CDH9: variants seen among roughly 807,000 people sequenced by gnomAD.
The protein encoded by CDH9 is cadherin-9.
CDH9 carries 28 observed loss-of-function variants against 70.9 expected under a neutral mutation model. The observed-to-expected ratio is 0.40, with a 90% CI of 0.29 to 0.54. CDH9 has a LOEUF of 0.54. Ranked by LOEUF, CDH9 falls within the 20% of genes least tolerant of loss-of-function variation. CDH9 has a pLI of 0.59. For synonymous variants in CDH9, 409 were observed against 343.1 expected (o/e 1.19, Z -2.12); for missense variants, 874 against 984.4 (o/e 0.89, Z 1.50).
chr5:26,983,894 C>T (rs1238886993), intron 2 of CDH9, among the ~76,000 whole-genome samples: 10 of 152,138 alleles, frequency 6.6e-5, no homozygotes, highest in Admixed American at 4.6e-4. Flanking sequence ...GTTACCTATT[C>T]GAGTCCATTA....
chr5:26,957,564 A>G (rs1172662294), intron 2 of CDH9, among the ~76,000 whole-genome samples: 1 of 152,090 alleles, frequency 6.6e-6, no homozygotes, highest in African/African-American at 2.4e-5. Flanking sequence ...CAGGAGGCTG[A>G]GGAAGGAGAA....
intron 2 of CDH9, among the ~76,000 whole-genome samples, chr5:26,948,043 C>A (rs1248112185): frequency 1.3e-5 from 2 of 151,474 alleles, no homozygotes; most frequent in East Asian, 3.9e-4. Flanking sequence ...GAAATTGGTC[C>A]CCACCTTCAG....
chr5:26,960,195 G>C (rs1185566551), intron 2 of CDH9, among the ~76,000 whole-genome samples: 1 of 151,868 alleles, frequency 6.6e-6, no homozygotes, highest in African/African-American at 2.4e-5. Context: ...CTGAACAATA[G>C]ACTTTCTAGC....
chr5:26,909,365 T>A (rs1416514825), intron 3 of CDH9, among the ~76,000 whole-genome samples: 1 of 152,074 alleles, frequency 6.6e-6, no homozygotes, highest in Non-Finnish European at 1.5e-5. Flanking sequence ...CCACTAAATT[T>A]TCCAAAATAT....
chr5:26,932,656 C>A (rs373383365), intron 2 of CDH9, among the ~76,000 whole-genome samples: 1 of 151,990 alleles, frequency 6.6e-6, no homozygotes, highest in Non-Finnish European at 1.5e-5. Flanking sequence ...ATATTTAAAG[C>A]GTGTTTATTG....
intron 2 of CDH9, among the ~76,000 whole-genome samples, chr5:26,957,789 A>G (rs942195990): frequency 5.3e-5 from 8 of 152,210 alleles, no homozygotes; most frequent in Admixed American, 2.0e-4. Flanking sequence ...ATAAAAATGT[A>G]TGCTTTCTTT....
intron 1 of CDH9, among the ~76,000 whole-genome samples, chr5:27,023,350 A>G (rs973852059): frequency 6.6e-6 from 1 of 152,136 alleles, no homozygotes; most frequent in Non-Finnish European, 1.5e-5. Flanking sequence ...AGATTTTCAT[A>G]GAAAGCCAGG....
At chr5:27,012,908 T>C (rs1227131641) in intron 1 of CDH9, among the ~76,000 whole-genome samples, 1 of 151,982 alleles carries the variant, frequency 6.6e-6, no homozygotes, top group South Asian at 2.1e-4. Context: ...CAAACTCGCA[T>C]GTTGTTTGAA....
intron 2 of CDH9, among the ~76,000 whole-genome samples, chr5:26,986,400 A>G (rs16896445): frequency 0.03 from 4,553 of 152,188 alleles, 87 homozygotes; most frequent in South Asian, 0.039. Context: ...TTTATGACAG[A>G]TTATGGAATT....
intron 2 of CDH9, among the ~76,000 whole-genome samples, chr5:26,983,341 T>G (rs754636146): frequency 6.6e-6 from 1 of 152,176 alleles, no homozygotes; most frequent in African/African-American, 2.4e-5. Context: ...CTAGAGGTAT[T>G]TTTGTGCTAG....
chr5:26,936,787 T>C (rs1400210168), intron 2 of CDH9, among the ~76,000 whole-genome samples: 2 of 151,984 alleles, frequency 1.3e-5, no homozygotes, highest in African/African-American at 2.4e-5. Flanking sequence ...GACAGTCTTT[T>C]CAACAAATTA....
chr5:27,033,305 T>C (rs961970409), intron 1 of CDH9, among the ~76,000 whole-genome samples: 1 of 151,458 alleles, frequency 6.6e-6, no homozygotes, highest in Admixed American at 6.6e-5. Context: ...TATGTGAACA[T>C]TGAATGTTCA....
intron 1 of CDH9, among the ~76,000 whole-genome samples, chr5:27,026,439 T>G (rs1449003138): frequency 6.6e-6 from 1 of 151,902 alleles, no homozygotes; most frequent in East Asian, 1.9e-4. Context: ...AAATGTCACC[T>G]TCTCCAAGAA....
intron 2 of CDH9, among the ~76,000 whole-genome samples, chr5:26,925,125 A>T (rs1309241996): frequency 2.0e-5 from 3 of 152,194 alleles, no homozygotes; most frequent in Non-Finnish European, 4.4e-5. Context: ...AGGAATTGCC[A>T]CACTGTCTTC....
chr5:26,984,701 G>T (rs1055110426), intron 2 of CDH9, among the ~76,000 whole-genome samples: 1 of 152,018 alleles, frequency 6.6e-6, no homozygotes, highest in Non-Finnish European at 1.5e-5. Context: ...AAATAATTCA[G>T]TCACAAGTGT....
chr5:26,959,962 T>C (rs556991395), intron 2 of CDH9, among the ~76,000 whole-genome samples: 5 of 152,120 alleles, frequency 3.3e-5, no homozygotes, highest in East Asian at 1.9e-4. Flanking sequence ...TTGATCACCA[T>C]TGAAAATGTA....
chr5:27,015,415 T>C (rs1743031237), intron 1 of CDH9, among the ~76,000 whole-genome samples: 1 of 151,876 alleles, frequency 6.6e-6, no homozygotes. Context: ...CATACTTCTC[T>C]GAAGAAACCT....
chr5:26,903,005 A>G (rs1257277665), intron 6 of CDH9: 1 of 302,102 alleles, frequency 3.3e-6, no homozygotes, highest in Non-Finnish European at 6.1e-6. Context: ...ATGAAGTATT[A>G]TCTAATGGAT....
At chr5:27,000,189 A>G (rs971997756) in intron 1 of CDH9, among the ~76,000 whole-genome samples, 1 of 152,194 alleles carries the variant, frequency 6.6e-6, no homozygotes, top group African/African-American at 2.4e-5. Flanking sequence ...TACAATAAGA[A>G]TACAAAAATA....
Sources: allele counts gnomAD v4.1 joint callset (sites outside exome capture counted in the v4.1 genomes callset), GRCh38; gene constraint gnomAD v4.1.1; transcripts MANE v1.5; gene names NCBI Gene and HGNC (gene_info 2026-07-23, HGNC 2026-07-21).